The following PPIL6 variants were observed in gnomAD, a reference collection of about 807,000 sequenced individuals.
PPIL6 encodes the protein probable inactive peptidyl-prolyl cis-trans isomerase-like 6.
Under a neutral mutation model 36.8 loss-of-function variants are expected in PPIL6, and 39 were observed. That is an observed-to-expected ratio of 1.06 (90% CI 0.82 to 1.38). The LOEUF (loss-of-function observed/expected upper bound fraction) is 1.38, where lower values mean the gene tolerates loss of function less well. Among genes scored for constraint, PPIL6 ranks in the 40% most tolerant of loss-of-function variants. PPIL6 has a pLI of 0.00. For missense variants in PPIL6, 368 were observed against 379.1 expected (o/e 0.97, Z 0.24); for synonymous variants, 123 against 134.1 (o/e 0.92, Z 0.57).
intron 6 of PPIL6, among the ~76,000 whole-genome samples, chr6:109,408,866 T>G (rs1772901136): frequency 2.0e-5 from 3 of 152,216 alleles, no homozygotes; most frequent in Non-Finnish European, 4.4e-5. Flanking sequence ...TAAACTCATT[T>G]TACAAGGCCA....
chr6:109,409,607 G>T (rs1429571971), intron 6 of PPIL6, among the ~76,000 whole-genome samples: 1 of 151,250 alleles, frequency 6.6e-6, no homozygotes, highest in Non-Finnish European at 1.5e-5. Context: ...CTTGTTTATA[G>T]ATTACATGAT....
intron 7 of PPIL6, among the ~76,000 whole-genome samples, chr6:109,396,455 C>T (rs1166229543): frequency 1.3e-5 from 2 of 152,168 alleles, no homozygotes; most frequent in African/African-American, 2.4e-5. Flanking sequence ...CCCCTAAGTA[C>T]CAAGCTCTGC....
intron 6 of PPIL6, among the ~76,000 whole-genome samples, chr6:109,409,348 G>T (rs1010011673): frequency 6.6e-6 from 1 of 152,074 alleles, no homozygotes; most frequent in African/African-American, 2.4e-5. Context: ...GATCACTTGA[G>T]GTCAGGAGTT....
At chr6:109,432,542 C>G (rs531154739) in intron 2 of PPIL6, among the ~76,000 whole-genome samples, 2 of 152,282 alleles carry the variant, frequency 1.3e-5, no homozygotes, top group East Asian at 3.9e-4. Flanking sequence ...TCTCATTGAT[C>G]TCAGATTCTC....
intron 6 of PPIL6, among the ~76,000 whole-genome samples, chr6:109,401,026 A>ATTTTTTTTTTT (rs749611966): frequency 3.5e-3 from 406 of 114,916 alleles, no homozygotes; most frequent in African/African-American, 0.011. Flanking sequence ...TGCCCGGCTA[A>ATTTTTTTTTTT]TTTTTTTTTT....
At chr6:109,425,000 G>A (rs961340638) in intron 5 of PPIL6, among the ~76,000 whole-genome samples, 4 of 152,056 alleles carry the variant, frequency 2.6e-5, no homozygotes, top group African/African-American at 9.7e-5. Flanking sequence ...CAACAAACTC[G>A]CCCTGAATTC....
rs1773088076 is a variant in PPIL6 at position 109,413,126 on chromosome 6, C to T, written c.688+6061G>A. ...TGAGCTGAGATGGCACCACTGCATT[C>T]TATCCTGGGTGACAGAGTGAGACTC... On this transcript the variant is annotated intron_variant, in intron 6 of 7. Transcript: ENST00000521072. This position sits in a 1 kb window ranked among gnomAD's most constrained non-coding sequence, Gnocchi z 4.6. Among the ~76,000 whole-genome samples the T allele has an allele frequency of 1.3e-5, 2 of 152,144 alleles. No homozygotes were observed. Among genetic ancestry groups the T allele is most frequent in the African/African-American group, 4.8e-5 (2 of 41,416 alleles).
At chr6:109,400,923 G>A (rs1327258987) in intron 6 of PPIL6, among the ~76,000 whole-genome samples, 2 of 151,638 alleles carry the variant, frequency 1.3e-5, no homozygotes, top group African/African-American at 4.8e-5. Context: ...GCAGTGGTGC[G>A]ATCTCAGCTC....
At position 109,413,676 on chromosome 6, in the gene PPIL6, G is replaced by C. The variant is rs1773116281; in HGVS notation, c.688+5511C>G. On this transcript the variant is annotated intron_variant, in intron 6 of 7. Coordinates refer to ENST00000521072, the MANE Select transcript of PPIL6 (RefSeq NM_173672.5). The surrounding 1 kb of genome is among the most constrained non-coding windows in gnomAD (Gnocchi z 4.6). ...TACCTGCACTCCTATGTTTGTTGCA[G>C]CACTGTTTACAATTGCCAAGATTTG... Among the ~76,000 whole-genome samples, 2 of 152,188 alleles carry C rather than the reference G, an allele frequency of 1.3e-5. No homozygotes were observed. Among genetic ancestry groups the C allele is most frequent in the East Asian group, 3.8e-4 (2 of 5,198 alleles).
intron 1 of PPIL6, among the ~76,000 whole-genome samples, chr6:109,437,008 A>T (rs570468318): frequency 1.6e-4 from 24 of 152,376 alleles, no homozygotes; most frequent in African/African-American, 5.5e-4. Context: ...ATGACCAAAA[A>T]GATAATAACG....
chr6:109,401,960 T>C (rs1324503436), intron 6 of PPIL6, among the ~76,000 whole-genome samples: 1 of 151,858 alleles, frequency 6.6e-6, no homozygotes, highest in Non-Finnish European at 1.5e-5. Flanking sequence ...CGTGACCTCG[T>C]GATCTACCCG....
Position 109,390,378 on chromosome 6 carries a change from A to G in PPIL6, c.*2448T>C, listed in dbSNP as rs1029417932. 1.3e-5 allele frequency: 2 copies of G among 152,200 alleles called. No individual in the cohort carries two copies. The highest frequency in any genetic ancestry group is 1.3e-4 in the Admixed American group (2 of 15,282). 9.4% of individuals were successfully genotyped at this position (152,200 alleles called of 1,614,324 possible). ...CAGATGAAGGAATTGAGGCACAGAA[A>G]AGTTCTTGCCTGAGTTTGTGCAGCT... On this transcript the variant is annotated 3_prime_UTR_variant, in exon 8 of 8. Coordinates refer to ENST00000521072, the MANE Select transcript of PPIL6 (RefSeq NM_173672.5).
intron 6 of PPIL6, among the ~76,000 whole-genome samples, chr6:109,412,607 C>T (rs550803790): frequency 2.6e-5 from 4 of 152,256 alleles, no homozygotes; most frequent in African/African-American, 4.8e-5. Context: ...AGTGAACTCA[C>T]TTTCAACAAA....
rs765163208 is a variant in PPIL6 at position 109,395,607 on chromosome 6, C to CTT, written c.825-2672_825-2671dup. On this transcript the variant is annotated intron_variant, in intron 7 of 7. Transcript: ENST00000521072. ...AGGCCCTCACCCCCGACTCTAACTT[C>CTT]TTTTTTTTTTTTTTTTTTGAGACAG... 1.9e-3 allele frequency among the ~76,000 whole-genome samples: 215 copies of CTT among 111,108 alleles called. 1 individual carries two copies. Among genetic ancestry groups the CTT allele is most frequent in the Middle Eastern group, 5.0e-3 (1 of 202 alleles). 72.9% of individuals were successfully genotyped at this position (111,108 alleles called of 152,430 possible).
intron 3 of PPIL6, 83 bp from the exon 4 acceptor site, chr6:109,427,239 A>T: frequency 1.2e-6 from 1 of 853,176 alleles, no homozygotes; most frequent in Non-Finnish European, 1.9e-6. Flanking sequence ...TACAGCAGAT[A>T]CAATATTTTT....
chr6:109,431,279 C>T lies in PPIL6; in HGVS notation c.298G>A (p.Gly100Ser). Residue 100 changes from glycine (G) to serine (S), a missense_variant, in exon 3 of 8, where the codon GGT (glycine) becomes AGT (serine). Gly to Ser is a moderately conservative substitution (Grantham distance 56, BLOSUM62 0). Transcript: ENST00000521072. ...CATTTCTGCAGATCCAATGCATCAC[C>T]CAGAAACTGACCATTAACAAAAGAA... ...VISFVNGQFL[G>S]DALDLQKWAH... 1 of 1,612,336 alleles carries T rather than the reference C, an allele frequency of 6.2e-7. No individual in the cohort carries two copies. The highest frequency in any genetic ancestry group is 1.1e-5 in the South Asian group (1 of 90,910).
intron 6 of PPIL6, chr6:109,418,081 A>G (rs191256614): frequency 6.5e-6 from 1 of 152,764 alleles, no homozygotes; most frequent in East Asian, 1.9e-4. Context: ...TCTAGTTTCA[A>G]AAAGCTCCCT....
Position 109,419,269 on chromosome 6 carries a change from T to C in PPIL6, c.632-26A>G, listed in dbSNP as rs756678230. 7 of 1,422,572 alleles carry C rather than the reference T, an allele frequency of 4.9e-6. No homozygotes were observed. The African/African-American group carries it at 5.7e-5, about 12-fold the overall frequency. The allele number at this position is 1,422,572 out of a possible 1,614,324, so 88.1% of individuals were successfully genotyped here. On this transcript the variant is annotated intron_variant, in intron 5 of 7. Transcript: ENST00000521072. ...CTGAGAAATAGCAACAAATAAACAT[T>C]AGAATTTTGAGATGAAAAGATTTAG...
At chr6:109,432,455 A>G (rs1295266263) in intron 2 of PPIL6, among the ~76,000 whole-genome samples, 1 of 152,142 alleles carries the variant, frequency 6.6e-6, no homozygotes, top group Non-Finnish European at 1.5e-5. Context: ...ACCCAGTACC[A>G]GCCAGGCAAA....
Sources: allele counts gnomAD v4.1 joint callset (sites outside exome capture counted in the v4.1 genomes callset), GRCh38; gene constraint gnomAD v4.1.1; non-coding constraint Gnocchi (gnomAD v3.1); transcripts MANE v1.5; gene names NCBI Gene and HGNC (gene_info 2026-07-23, HGNC 2026-07-21).